Variants in MIER3 observed in about 807,000 individuals in gnomAD.
The protein encoded by MIER3 is MIER family member 3, also known as mesoderm induction early response protein 3.
MIER3 carries 9 observed loss-of-function variants against 63.2 expected under a neutral mutation model. The observed-to-expected ratio is 0.14, with a 90% CI of 0.09 to 0.25. The LOEUF (loss-of-function observed/expected upper bound fraction) is 0.25, where lower values mean the gene tolerates loss of function less well. Among genes scored for constraint, MIER3 ranks in the 10% least tolerant of loss-of-function variants. The probability of loss-of-function intolerance (pLI) is 1.00; values close to 1 mark genes in which losing one functional copy is unlikely to be tolerated. For missense variants in MIER3, 512 were observed against 666.2 expected, an observed-to-expected ratio of 0.77 and a Z score of 2.55; for synonymous variants, 205 against 224.9, an observed-to-expected ratio of 0.91 and a Z score of 0.79.
chr5:56,920,909 T>C lies in MIER3; in HGVS notation c.*2219A>G, dbSNP rs562705833. The C allele has an allele frequency of 2.0e-5, 3 of 152,690 alleles. No individual in the cohort carries two copies. Among genetic ancestry groups the C allele is most frequent in the African/African-American group, 4.8e-5 (2 of 41,588 alleles). 9.5% of individuals were successfully genotyped at this position (152,690 alleles called of 1,614,324 possible). ...CACTCTCTAAGAGGCTAAAATCAGA[T>C]TGACATTTAAAAATCTATTAAACTA... On this transcript the variant is annotated 3_prime_UTR_variant, in exon 13 of 13. Coordinates refer to ENST00000381199, the MANE Select transcript of MIER3 (RefSeq NM_001297599.2).
At chr5:56,930,955 T>A (rs1372057922) in intron 8 of MIER3, among the ~76,000 whole-genome samples, 1 of 152,166 alleles carries the variant, frequency 6.6e-6, no homozygotes, top group Non-Finnish European at 1.5e-5. Flanking sequence ...TTGTTCATCC[T>A]CATGCTACCT....
chr5:56,943,412 A>G (rs1750719532), intron 3 of MIER3, among the ~76,000 whole-genome samples: 1 of 152,140 alleles, frequency 6.6e-6, no homozygotes, highest in African/African-American at 2.4e-5. Flanking sequence ...TATCACAGAT[A>G]CTTTGCAGGA....
intron 3 of MIER3, among the ~76,000 whole-genome samples, chr5:56,943,121 G>T (rs747272502): frequency 1.6e-4 from 25 of 152,070 alleles, no homozygotes; most frequent in Non-Finnish European, 1.8e-4. Flanking sequence ...CTCTAGCCTG[G>T]GTGACAGAGT....
rs1160421062 is a variant in MIER3 at position 56,921,555 on chromosome 5, A to C, written c.*1573T>G. 6.6e-6 allele frequency: 1 copy of C among 152,650 alleles called. No homozygotes were observed. Among genetic ancestry groups the C allele is most frequent in the African/African-American group, 2.4e-5 (1 of 41,472 alleles). 9.5% of individuals were successfully genotyped at this position (152,650 alleles called of 1,614,324 possible). On this transcript the variant is annotated 3_prime_UTR_variant, in exon 13 of 13. Coordinates refer to ENST00000381199, the MANE Select transcript of MIER3 (RefSeq NM_001297599.2). ...CAATCTTCATTAAAATGCTGCAAAG[A>C]AAAACAAGAATACACATCATCCAAA...
chr5:56,950,266 AC>A (rs1408208591), intron 2 of MIER3, among the ~76,000 whole-genome samples: 1 of 150,052 alleles, frequency 6.7e-6, no homozygotes, highest in Non-Finnish European at 1.5e-5. Flanking sequence ...CTGACAAATT[AC>A]TCAATCTCTA....
upstream of MIER3, chr5:56,952,187 G>T (rs1751065309): frequency 1.8e-6 from 2 of 1,095,412 alleles, no homozygotes; most frequent in South Asian, 4.1e-5. Context: ...CGCCGCCACC[G>T]CCGCGGTCCG....
chr5:56,947,239 A>G (rs1051023130), intron 2 of MIER3, 168 bp from the exon 3 acceptor site: 1 of 622,936 alleles, frequency 1.6e-6, no homozygotes, highest in Non-Finnish European at 2.5e-6. Flanking sequence ...ATGATTCTGA[A>G]AATATGTCTA....
chr5:56,933,471 T>C lies in MIER3; in HGVS notation c.596-73A>G, dbSNP rs925851368. 2.6e-4 allele frequency: 354 copies of C among 1,364,056 alleles called. 1 individual carries two copies. Among genetic ancestry groups the C allele is most frequent in the Non-Finnish European group, 7.3e-5 (74 of 1,017,690 alleles). 84.5% of individuals were successfully genotyped at this position (1,364,056 alleles called of 1,614,324 possible). ...AAAGATGTACACAAACAATTCTTTG[T>C]CTTCCTTGATTGGCTATCCAGTGGG... On this transcript the variant is annotated intron_variant, in intron 7 of 12. Transcript: ENST00000381199.
chr5:56,936,122 C>G (rs1038897077), intron 5 of MIER3, among the ~76,000 whole-genome samples: 1 of 151,946 alleles, frequency 6.6e-6, no homozygotes, highest in Non-Finnish European at 1.5e-5. Flanking sequence ...GAGGCTGAGG[C>G]AGGAGAATCG....
chr5:56,933,516 G>T, intron 7 of MIER3, 118 bp from the exon 8 acceptor site: 1 of 909,366 alleles, frequency 1.1e-6, no homozygotes, highest in Non-Finnish European at 1.6e-6. Flanking sequence ...TAACTTTGAA[G>T]ACACCAGTAA....
At chr5:56,950,558 T>C (rs777344812) in intron 2 of MIER3, 70 bp downstream of exon 2, 21 of 1,508,608 alleles carry the variant, frequency 1.4e-5, no homozygotes, top group Non-Finnish European at 1.9e-5. Context: ...TTGGGAATCC[T>C]TTAGCAACAG....
intron 7 of MIER3, among the ~76,000 whole-genome samples, chr5:56,935,209 A>G (rs1196897994): frequency 1.3e-5 from 2 of 151,634 alleles, no homozygotes; most frequent in Non-Finnish European, 2.9e-5. Context: ...AATAAGCACT[A>G]TGTGTGCCTT....
Position 56,952,119 on chromosome 5 carries a change from C to A in MIER3, c.-17G>T, listed in dbSNP as rs1395728451. The A allele has an allele frequency of 1.6e-6, 2 of 1,285,972 alleles. No homozygotes were observed. Among genetic ancestry groups the A allele is most frequent in the East Asian group, 3.9e-5 (1 of 25,972 alleles). 79.7% of individuals were successfully genotyped at this position (1,285,972 alleles called of 1,614,324 possible). ...CTCCGCCATATTGGTACCTTTAGGG[C>A]GAACGAGCAGCGCCGAGCCCAGTCC... On this transcript the variant is annotated 5_prime_UTR_variant, in exon 1 of 13. Coordinates refer to ENST00000381199, the MANE Select transcript of MIER3 (RefSeq NM_001297599.2).
chr5:56,926,335 A>C (rs976954813), intron 10 of MIER3, among the ~76,000 whole-genome samples: 1 of 152,134 alleles, frequency 6.6e-6, no homozygotes. Context: ...AATATTTGCA[A>C]AACATGTATC....
chr5:56,952,124 G>T (rs1438004112), upstream of MIER3: 2 of 1,252,872 alleles, frequency 1.6e-6, no homozygotes, highest in Non-Finnish European at 1.0e-6. Context: ...TAGGGCGAAC[G>T]AGCAGCGCCG....
intron 3 of MIER3, among the ~76,000 whole-genome samples, chr5:56,940,599 T>G (rs1418050595): frequency 6.6e-6 from 1 of 152,270 alleles, no homozygotes; most frequent in Non-Finnish European, 1.5e-5. Flanking sequence ...TTTGCAGTAG[T>G]AGACATACGC....
intron 5 of MIER3, among the ~76,000 whole-genome samples, chr5:56,936,510 TTTTA>T (rs534551825): frequency 2.0e-5 from 3 of 151,898 alleles, no homozygotes; most frequent in African/African-American, 4.8e-5. Context: ...AGTCCAAACA[TTTTA>T]TTTATTTATT....
intron 10 of MIER3, among the ~76,000 whole-genome samples, chr5:56,926,494 A>C (rs1356639243): frequency 6.6e-6 from 1 of 152,156 alleles, no homozygotes; most frequent in African/African-American, 2.4e-5. Flanking sequence ...AAAGATGGTC[A>C]ACATCATCCT....
intron 7 of MIER3, 118 bp downstream of exon 7, chr5:56,935,310 A>C (rs1750404424): frequency 1.3e-6 from 1 of 768,538 alleles, no homozygotes; most frequent in Non-Finnish European, 2.1e-6. Flanking sequence ...CTAACTCTGC[A>C]TGTTTCCCAA....
Sources: allele counts gnomAD v4.1 joint callset (sites outside exome capture counted in the v4.1 genomes callset), GRCh38; gene constraint gnomAD v4.1.1; transcripts MANE v1.5; gene names NCBI Gene and HGNC (gene_info 2026-07-23, HGNC 2026-07-21).